Variants in STAG1 observed in about 807,000 individuals in gnomAD.
STAG1 encodes STAG1 cohesin complex component.
STAG1 carries 26 observed loss-of-function variants against 170.9 expected under a neutral mutation model. The ratio of observed to expected loss-of-function variants is 0.15; its 90% confidence interval spans 0.11 to 0.21. STAG1 has a LOEUF of 0.21. Among genes scored for constraint, STAG1 ranks in the 10% least tolerant of loss-of-function variants. STAG1 has a pLI of 1.00. For synonymous variants in STAG1, 514 were observed against 497.7 expected (o/e 1.03, Z -0.44); for missense variants, 964 against 1,509.5 (o/e 0.64, Z 5.99).
intron 20 of STAG1, among the ~76,000 whole-genome samples, chr3:136,419,371 T>C (rs903020137): frequency 2.6e-5 from 4 of 152,210 alleles, no homozygotes; most frequent in Non-Finnish European, 4.4e-5. Context: ...TTGTCCTTTC[T>C]TCATGGAGAA....
At chr3:136,641,752 T>C (rs567139054) in intron 1 of STAG1, among the ~76,000 whole-genome samples, 9 of 152,332 alleles carry the variant, frequency 5.9e-5, no homozygotes, top group East Asian at 3.9e-4. Context: ...CTGATGACAT[T>C]TGAATAAGTT....
At chr3:136,736,566 G>A (rs1204495273) in intron 1 of STAG1, 7 of 1,509,002 alleles carry the variant, frequency 4.6e-6, no homozygotes, top group South Asian at 3.4e-5. Context: ...CTTCCCCTTT[G>A]TATTGGCTTG....
At chr3:136,498,208 A>ATT (rs1933227506) in intron 9 of STAG1, among the ~76,000 whole-genome samples, 735 of 34,022 alleles carry the variant, frequency 0.022, 17 homozygotes, top group African/African-American at 0.073. Flanking sequence ...AAAAAAAAAA[A>ATT]ATTATATATA....
chr3:136,679,260 C>T (rs1942249105), intron 1 of STAG1, among the ~76,000 whole-genome samples: 1 of 152,050 alleles, frequency 6.6e-6, no homozygotes, highest in Non-Finnish European at 1.5e-5. Context: ...AGCAATTTTA[C>T]TCCTGGAAAT....
intron 22 of STAG1, among the ~76,000 whole-genome samples, chr3:136,396,242 G>C (rs1273631173): frequency 7.9e-6 from 1 of 126,880 alleles, no homozygotes; most frequent in East Asian, 2.5e-4. Flanking sequence ...TTGAGACAGA[G>C]TCTCGCTCTG....
intron 1 of STAG1, among the ~76,000 whole-genome samples, chr3:136,736,044 A>G (rs2107945250): frequency 6.6e-6 from 1 of 152,324 alleles, no homozygotes; most frequent in African/African-American, 2.4e-5. Flanking sequence ...CTTCAAAGGG[A>G]GCACACCCAG....
intron 12 of STAG1, 119 bp downstream of exon 12, chr3:136,472,294 A>T (rs111634143): frequency 1.8e-5 from 10 of 544,958 alleles, no homozygotes; most frequent in African/African-American, 7.8e-5. Context: ...AAAATGTAAA[A>T]GTTGAACCTA....
At chr3:136,707,451 G>A (rs956980531) in intron 1 of STAG1, among the ~76,000 whole-genome samples, 9 of 152,054 alleles carry the variant, frequency 5.9e-5, no homozygotes, top group South Asian at 4.1e-4. Flanking sequence ...CAACTTCATC[G>A]GTCATTAAAA....
chr3:136,588,771 T>C (rs768285852), intron 4 of STAG1, among the ~76,000 whole-genome samples: 8 of 152,050 alleles, frequency 5.3e-5, no homozygotes, highest in Non-Finnish European at 1.2e-4. Context: ...TTTTGTTTGG[T>C]TGGTTTTGTG....
chr3:136,341,985 T>C (rs897311562), intron 30 of STAG1, among the ~76,000 whole-genome samples: 1 of 152,142 alleles, frequency 6.6e-6, no homozygotes, highest in African/African-American at 2.4e-5. Flanking sequence ...CTAAACTTAT[T>C]GGCACATGGA....
At chr3:136,513,661 A>G (rs1252937291) in intron 7 of STAG1, among the ~76,000 whole-genome samples, 1 of 152,178 alleles carries the variant, frequency 6.6e-6, no homozygotes, top group South Asian at 2.1e-4. Flanking sequence ...AAAATTTTCA[A>G]TTATGAAATT....
intron 1 of STAG1, among the ~76,000 whole-genome samples, chr3:136,742,588 G>A (rs1476438322): frequency 2.0e-5 from 3 of 151,818 alleles, no homozygotes; most frequent in African/African-American, 4.8e-5. Context: ...GGTGGTGTGC[G>A]CCTGTAATCC....
chr3:136,392,524 C>T (rs969736897), intron 22 of STAG1, among the ~76,000 whole-genome samples: 2 of 151,806 alleles, frequency 1.3e-5, no homozygotes, highest in Non-Finnish European at 2.9e-5. Flanking sequence ...CCCAGCACTT[C>T]GGGAGGCTGA....
chr3:136,593,287 A>G (rs1938276267), intron 4 of STAG1, among the ~76,000 whole-genome samples: 1 of 152,184 alleles, frequency 6.6e-6, no homozygotes, highest in Non-Finnish European at 1.5e-5. Context: ...CACGTAGCAC[A>G]TTAACTTGTT....
chr3:136,721,579 TA>T (rs1049812840), intron 1 of STAG1: 2 of 152,130 alleles, frequency 1.3e-5, no homozygotes, highest in Non-Finnish European at 2.9e-5. Flanking sequence ...GGTTCCATTA[TA>T]AAAGTGGTAT....
At chr3:136,343,639 C>A (rs1936091849) in intron 30 of STAG1, among the ~76,000 whole-genome samples, 193 bp downstream of exon 30, 1 of 152,222 alleles carries the variant, frequency 6.6e-6, no homozygotes, top group Non-Finnish European at 1.5e-5. Flanking sequence ...GGTCTGTAAA[C>A]TTCCAGGAAC....
chr3:136,528,494 A>ACCG (rs552035486), intron 6 of STAG1, among the ~76,000 whole-genome samples: 1,191 of 71,384 alleles, frequency 0.017, 45 homozygotes, highest in East Asian at 0.041. Flanking sequence ...ATGTCCCCGC[A>ACCG]CCCCCCCCCC....
At chr3:136,347,616 A>C (rs961464126) in intron 29 of STAG1, among the ~76,000 whole-genome samples, 1 of 152,102 alleles carries the variant, frequency 6.6e-6, no homozygotes, top group Non-Finnish European at 1.5e-5. Context: ...ATTCCTTTTG[A>C]AATATAGATG....
At chr3:136,576,176 G>A (rs1937448821) in intron 4 of STAG1, among the ~76,000 whole-genome samples, 1 of 152,174 alleles carries the variant, frequency 6.6e-6, no homozygotes, top group African/African-American at 2.4e-5. Flanking sequence ...TAATACAAAT[G>A]AGCTGAATCT....
Sources: allele counts gnomAD v4.1 joint callset (sites outside exome capture counted in the v4.1 genomes callset), GRCh38; gene constraint gnomAD v4.1.1; transcripts MANE v1.5; gene names NCBI Gene and HGNC (gene_info 2026-07-23, HGNC 2026-07-21).